Variants in PREX1 observed in about 807,000 individuals in gnomAD.
PREX1 encodes phosphatidylinositol-3,4,5-trisphosphate dependent Rac exchange factor 1, also known as phosphatidylinositol 3,4,5-trisphosphate-dependent Rac exchanger 1 protein.
Under a neutral mutation model 198.3 loss-of-function variants are expected in PREX1, and 41 were observed. That is an observed-to-expected ratio of 0.21 (90% CI 0.16 to 0.27). The LOEUF is 0.27. Among genes scored for constraint, PREX1 ranks in the 10% least tolerant of loss-of-function variants. The pLI is 1.00. For missense variants in PREX1, 1,620 were observed against 2,200.7 expected (o/e 0.74, Z 5.28); for synonymous variants, 843 against 887.2 (o/e 0.95, Z 0.89).
intron 29 of PREX1, among the ~76,000 whole-genome samples, chr20:48,641,820 AAGAAAGAG>A (rs1409745430): frequency 1.8e-4 from 24 of 133,772 alleles, no homozygotes; most frequent in Admixed American, 1.0e-3. Flanking sequence ...GAAAGAAAGA[AAGAAAGAG>A]AGAGAGAGAG....
chr20:48,716,988 AC>A (rs2123107755), intron 5 of PREX1, among the ~76,000 whole-genome samples: 1 of 152,242 alleles, frequency 6.6e-6, no homozygotes, highest in East Asian at 1.9e-4. Flanking sequence ...AGTCAGACCT[AC>A]CCTTGGTCTT....
intron 5 of PREX1, among the ~76,000 whole-genome samples, chr20:48,709,986 C>G (rs2123091449): frequency 6.6e-6 from 1 of 152,330 alleles, no homozygotes; most frequent in African/African-American, 2.4e-5. Flanking sequence ...CATCAGGCCC[C>G]TGGGACTTTG....
intron 1 of PREX1, among the ~76,000 whole-genome samples, chr20:48,791,345 G>T (rs143948087): frequency 6.6e-6 from 1 of 152,300 alleles, no homozygotes; most frequent in South Asian, 2.1e-4. Context: ...CGTGCTGGAC[G>T]CTGTCCTAAG....
At chr20:48,671,841 C>T (rs1298257718) in intron 14 of PREX1, among the ~76,000 whole-genome samples, 3 of 152,242 alleles carry the variant, frequency 2.0e-5, no homozygotes, top group Non-Finnish European at 4.4e-5. Context: ...CCTGCGTCAG[C>T]TCCAGTTACC....
In PREX1 at chr20:48,791,450, C is replaced by A. The variant is rs2090338545; in HGVS notation, c.219+36192G>T. Among the ~76,000 whole-genome samples the A allele has an allele frequency of 3.3e-5, 5 of 152,194 alleles. No individual in the cohort carries two copies. The South Asian group carries it at 8.3e-4, about 25-fold the overall frequency. On this transcript the variant is annotated intron_variant, in intron 1 of 39. Coordinates refer to ENST00000371941, the MANE Select transcript of PREX1 (RefSeq NM_020820.4). ...TCAAGTCATTTGCCCCAAGGTCACCCTGCTGGTGAGGGGTAAAGTCAAGGA... is the reference window on the plus strand; with the variant it reads ...TCAAGTCATTTGCCCCAAGGTCACCATGCTGGTGAGGGGTAAAGTCAAGGA...
chr20:48,819,658 C>T (rs2090475077), intron 1 of PREX1, among the ~76,000 whole-genome samples: 1 of 152,206 alleles, frequency 6.6e-6, no homozygotes, highest in Admixed American at 6.5e-5. Context: ...GCATGTGGCA[C>T]AGTACCTGGA....
At chr20:48,665,317 G>GCTCCAGACGGCCTGAA (rs1568812823) in intron 15 of PREX1, among the ~76,000 whole-genome samples, 1 of 140,426 alleles carries the variant, frequency 7.1e-6, no homozygotes, top group South Asian at 2.4e-4. Flanking sequence ...TCTAATCCTG[G>GCTCCAGACGGCCTGAA]TTCCAGACGG....
chr20:48,632,443 G>C, intron 34 of PREX1, 52 bp from the exon 35 acceptor site: 1 of 1,613,292 alleles, frequency 6.2e-7, no homozygotes, highest in Non-Finnish European at 8.5e-7. Context: ...CGGTGTGCTT[G>C]GTGGCCTTGG....
intron 7 of PREX1, among the ~76,000 whole-genome samples, chr20:48,699,189 C>T (rs1468350878): frequency 6.6e-6 from 1 of 152,098 alleles, no homozygotes. Flanking sequence ...GGCTCAGAGA[C>T]GGTCAGTGGC....
intron 16 of PREX1, 64 bp from the exon 17 acceptor site, chr20:48,658,292 G>A (rs754365123): frequency 1.5e-5 from 23 of 1,532,638 alleles, no homozygotes; most frequent in South Asian, 2.3e-5. Flanking sequence ...CAGCCCCACC[G>A]TGGCCCCCAC....
chr20:48,878,310 A>G, the PREX1 span, among the ~76,000 whole-genome samples: 1 of 152,094 alleles, frequency 6.6e-6, no homozygotes, highest in Admixed American at 6.6e-5. Flanking sequence ...GACCTCTTCT[A>G]GTAGACACCT....
At chr20:48,729,607 A>G (rs558026425) in intron 4 of PREX1, among the ~76,000 whole-genome samples, 8 of 152,288 alleles carry the variant, frequency 5.3e-5, no homozygotes, top group Non-Finnish European at 1.0e-4. Context: ...GCTTGGGCCC[A>G]AAACCCTAAA....
chr20:48,794,612 G>A (rs80346118), intron 1 of PREX1, among the ~76,000 whole-genome samples: 19,512 of 152,208 alleles, frequency 0.13, 1,354 homozygotes, highest in Middle Eastern at 0.24. Flanking sequence ...CAGAGGAGGA[G>A]GCCGGCTGGT....
At chr20:48,698,995 C>T (rs2089861001) in intron 7 of PREX1, among the ~76,000 whole-genome samples, 1 of 152,116 alleles carries the variant, frequency 6.6e-6, no homozygotes, top group Non-Finnish European at 1.5e-5. Context: ...CTTAACCAAA[C>T]ACTACTACAA....
At chr20:48,688,571 C>CA (rs11086260) in intron 10 of PREX1, 86 bp downstream of exon 10, 306,991 of 1,559,882 alleles carry the variant, frequency 0.2, 33,895 homozygotes, top group African/African-American at 0.46. Context: ...TGGGCAGGGC[C>CA]AGGCTGCATG....
At chr20:48,665,664 T>C (rs1350938900) in intron 15 of PREX1, among the ~76,000 whole-genome samples, 3 of 152,206 alleles carry the variant, frequency 2.0e-5, no homozygotes, top group Non-Finnish European at 4.4e-5. Context: ...CTAATAAATA[T>C]ATGTGAAGTG....
the PREX1 span, among the ~76,000 whole-genome samples, chr20:48,872,829 A>G: frequency 6.6e-6 from 1 of 152,218 alleles, no homozygotes; most frequent in Non-Finnish European, 1.5e-5. Flanking sequence ...GTTCAAACAG[A>G]GCCCCGGAAG....
chr20:48,807,922 G>A (rs1174245009), intron 1 of PREX1, among the ~76,000 whole-genome samples: 2 of 152,112 alleles, frequency 1.3e-5, no homozygotes, highest in Non-Finnish European at 2.9e-5. Context: ...GTCCACTCAG[G>A]GGGCCCTGAG....
chr20:48,810,565 A>G (rs954209521), intron 1 of PREX1, among the ~76,000 whole-genome samples: 35 of 148,934 alleles, frequency 2.4e-4, no homozygotes, highest in African/African-American at 8.5e-4. Context: ...CTGGGCAGCA[A>G]GGCAAGATCT....
Sources: gnomAD v4.1 joint callset for allele counts (sites outside exome capture counted in the v4.1 genomes callset) on GRCh38, gnomAD v4.1.1 for gene constraint, MANE v1.5 for transcripts, NCBI Gene and HGNC (gene_info 2026-07-23, HGNC 2026-07-21) for gene names.